LINGO1: variants seen among roughly 807,000 people sequenced by gnomAD.
The protein encoded by LINGO1 is leucine rich repeat and Ig domain containing 1, also known as leucine-rich repeat and immunoglobulin-like domain-containing nogo receptor-interacting protein 1.
A neutral mutation model predicts 37.3 loss-of-function variants in LINGO1; 11 were observed. That is an observed-to-expected ratio of 0.29 (90% CI 0.19 to 0.49). The LOEUF (loss-of-function observed/expected upper bound fraction) is 0.49, where lower values mean the gene tolerates loss of function less well. LINGO1 is among the 20% of genes least tolerant of loss of function. LINGO1 has a pLI of 0.99. For synonymous variants in LINGO1, 387 were observed against 403.0 expected, an observed-to-expected ratio of 0.96 and a Z score of 0.48; for missense variants, 585 against 878.2, an observed-to-expected ratio of 0.67 and a Z score of 4.22.
intron 1 of LINGO1, among the ~76,000 whole-genome samples, chr15:77,623,257 C>T (rs908487964): frequency 6.6e-6 from 1 of 152,158 alleles, no homozygotes; most frequent in Admixed American, 6.5e-5. Flanking sequence ...GAGGGCATTT[C>T]CACAAAGGGA....
At chr15:77,699,757 G>A (rs1488677330), upstream of LINGO1, among the ~76,000 whole-genome samples, 42 of 151,446 alleles carry the variant, frequency 2.8e-4, no homozygotes, top group South Asian at 8.3e-4. Context: ...CACACAGTAA[G>A]CACATACTAA....
At chr15:77,623,764 G>A (rs1249928787) in intron 1 of LINGO1, among the ~76,000 whole-genome samples, 2 of 151,366 alleles carry the variant, frequency 1.3e-5, no homozygotes, top group African/African-American at 4.9e-5. Flanking sequence ...GTCCTTTGTT[G>A]TGTATAATTC....
intron 1 of LINGO1, among the ~76,000 whole-genome samples, chr15:77,746,082 C>T: frequency 6.6e-6 from 1 of 151,838 alleles, no homozygotes; most frequent in African/African-American, 2.4e-5. Flanking sequence ...GTGGCATGCA[C>T]CTGTGGTCCC....
intron 1 of LINGO1, among the ~76,000 whole-genome samples, chr15:77,776,479 A>T (rs2076645419): frequency 7.3e-6 from 1 of 137,242 alleles, no homozygotes; most frequent in South Asian, 2.8e-4. Flanking sequence ...GAAGGCAGGA[A>T]GGCAGGAAAG....
chr15:77,687,334 G>C (rs908215494), intron 2 of LINGO1, among the ~76,000 whole-genome samples: 2 of 152,228 alleles, frequency 1.3e-5, no homozygotes, highest in African/African-American at 4.8e-5. Flanking sequence ...TTTAGTGTGG[G>C]GCTGGGGTCA....
intron 2 of LINGO1, among the ~76,000 whole-genome samples, chr15:77,722,248 G>A (rs951897855): frequency 6.6e-6 from 1 of 152,198 alleles, no homozygotes; most frequent in Non-Finnish European, 1.5e-5. Context: ...GCCCGTCTCT[G>A]AGTACATAAC....
At chr15:77,769,917 A>G (rs1013363202) in intron 1 of LINGO1, among the ~76,000 whole-genome samples, 5 of 152,196 alleles carry the variant, frequency 3.3e-5, no homozygotes, top group African/African-American at 1.2e-4. Context: ...TTTCAGGTGA[A>G]GAAACCGAGA....
At chr15:77,817,965 G>A (rs1433075715) in intron 1 of LINGO1, among the ~76,000 whole-genome samples, 1 of 152,174 alleles carries the variant, frequency 6.6e-6, no homozygotes, top group Non-Finnish European at 1.5e-5. Context: ...CCATACTCCA[G>A]AGACCCAGGT....
At chr15:77,738,730 A>C (rs1270624144) in intron 1 of LINGO1, among the ~76,000 whole-genome samples, 2 of 147,212 alleles carry the variant, frequency 1.4e-5, no homozygotes, top group Non-Finnish European at 3.0e-5. Flanking sequence ...CCCAGGAGAC[A>C]GTCAATACAT....
chr15:77,819,817 G>A (rs1372090638), intron 1 of LINGO1, among the ~76,000 whole-genome samples: 2 of 151,292 alleles, frequency 1.3e-5, no homozygotes. Context: ...CCTGGGCCCA[G>A]GTGCCGACTC....
At chr15:77,647,585 T>C (rs1195342073) in intron 3 of LINGO1, among the ~76,000 whole-genome samples, 1 of 152,174 alleles carries the variant, frequency 6.6e-6, no homozygotes, top group East Asian at 1.9e-4. Context: ...CACAGTTGCC[T>C]TTGAACCCAG....
chr15:77,814,355 G>A (rs558164881), intron 1 of LINGO1, among the ~76,000 whole-genome samples: 5 of 152,210 alleles, frequency 3.3e-5, no homozygotes, highest in Admixed American at 2.0e-4. Context: ...TCTGTGAAAC[G>A]GAACAATGTT....
chr15:77,677,752 A>G (rs1241636191), intron 2 of LINGO1, among the ~76,000 whole-genome samples: 1 of 151,728 alleles, frequency 6.6e-6, no homozygotes, highest in African/African-American at 2.4e-5. Flanking sequence ...ACCCTTCCTC[A>G]TTCTTCACTA....
intron 3 of LINGO1, among the ~76,000 whole-genome samples, chr15:77,669,116 C>T (rs1049557906): frequency 1.3e-5 from 2 of 152,264 alleles, no homozygotes; most frequent in African/African-American, 4.8e-5. Context: ...AGGATGTGTG[C>T]ACAGCTTCTG....
chr15:77,615,160 C>A lies in LINGO1; in HGVS notation c.747G>T (p.Trp249Cys), dbSNP rs754968570. ...TGGGTGTCATGGTGTCCAAGTAGGG[C>A]CAGTGGGAGATCTCCAAGACCTTGA... The part of the protein sequence containing the change: ...YRLKVLEISH[W>C]PYLDTMTPNC... The change falls in exon 2 of 2, where the codon TGG becomes TGT. Residue 249 changes from tryptophan to cysteine, a missense_variant. Coordinates refer to ENST00000355300, the MANE Select transcript of LINGO1 (RefSeq NM_032808.7). 6 of 1,613,794 alleles carry A rather than the reference C, an allele frequency of 3.7e-6. No homozygotes were observed. The highest frequency in any genetic ancestry group is 3.3e-5 in the South Asian group (3 of 91,072).
chr15:77,747,153 A>G (rs2076322226), intron 1 of LINGO1, among the ~76,000 whole-genome samples: 1 of 152,136 alleles, frequency 6.6e-6, no homozygotes, highest in Non-Finnish European at 1.5e-5. Flanking sequence ...CAGGCCCAGG[A>G]CTGCTCCTCC....
chr15:77,649,463 C>T (rs1416630446), intron 3 of LINGO1, among the ~76,000 whole-genome samples: 1 of 152,184 alleles, frequency 6.6e-6, no homozygotes, highest in Non-Finnish European at 1.5e-5. Flanking sequence ...GATCAACCAT[C>T]AGAGATGGAA....
chr15:77,795,998 CA>C (rs1302378265), exon 2 of LINGO1: 1 of 152,320 alleles, frequency 6.6e-6, no homozygotes, highest in Non-Finnish European at 1.5e-5. Flanking sequence ...GGGCTGGACT[CA>C]GTCGCCCTCT....
intron 3 of LINGO1, among the ~76,000 whole-genome samples, chr15:77,647,685 C>T (rs567192242): frequency 2.4e-4 from 36 of 152,266 alleles, no homozygotes; most frequent in African/African-American, 6.7e-4. Context: ...CCAGGCAGCC[C>T]GGGAAAGGCC....
Sources: gnomAD v4.1 joint callset for allele counts (sites outside exome capture counted in the v4.1 genomes callset) on GRCh38, gnomAD v4.1.1 for gene constraint, MANE v1.5 for transcripts, NCBI Gene and HGNC (gene_info 2026-07-23, HGNC 2026-07-21) for gene names.